The following ZNF215 variants were observed in gnomAD, a reference collection of about 807,000 sequenced individuals.
ZNF215 encodes the protein BWSCR2-associated zinc finger protein 2.
ZNF215 carries 24 observed loss-of-function variants against 27.2 expected under a neutral mutation model. The ratio of observed to expected loss-of-function variants is 0.88; its 90% CI spans 0.64 to 1.24. ZNF215 has a LOEUF of 1.24. ZNF215 is among the 50% of genes most tolerant of loss of function. The pLI is 0.00. For missense variants in ZNF215, 675 were observed against 605.7 expected (o/e 1.11, Z -1.20); for synonymous variants, 210 against 204.0 (o/e 1.03, Z -0.25).
chr11:6,981,327 T>C (rs1459736842), intron 5 of ZNF215, among the ~76,000 whole-genome samples: 2 of 150,492 alleles, frequency 1.3e-5, no homozygotes, highest in Non-Finnish European at 3.0e-5. Context: ...TGGTATCTCA[T>C]TGTGGTTTTG....
intron 5 of ZNF215, among the ~76,000 whole-genome samples, chr11:6,972,911 A>AT (rs11382653): frequency 0.98 from 149,483 of 151,926 alleles, 73,581 homozygotes; most frequent in Middle Eastern, 1. Flanking sequence ...GATTTTTTTA[A>AT]TTTTTTTTAT....
chr11:6,985,437 G>T (rs952081137), downstream of ZNF215, among the ~76,000 whole-genome samples: 5 of 152,076 alleles, frequency 3.3e-5, no homozygotes, highest in African/African-American at 1.2e-4. Flanking sequence ...AGCCAACATT[G>T]TACTAAACAG....
downstream of ZNF215, among the ~76,000 whole-genome samples, chr11:6,958,692 C>G (rs1158375510): frequency 6.6e-6 from 1 of 152,130 alleles, no homozygotes; most frequent in Non-Finnish European, 1.5e-5. Context: ...TGCCTGCAAG[C>G]TGAGGAGCAA....
chr11:6,932,225 A>G lies in ZNF215; in HGVS notation c.-48A>G, dbSNP rs2053835. 0.053 allele frequency: 82,881 copies of G among 1,577,478 alleles called. 2,900 individuals are homozygous for G. The highest frequency in any genetic ancestry group is 0.18 in the African/African-American group (13,131 of 73,590). On this transcript the variant is annotated 5_prime_UTR_variant, in exon 3 of 7. Transcript: ENST00000278319. The stretch of plus-strand genomic sequence containing the variant: ...TTAGCTCAAGCCTGAGAATTACTGC[A>G]ATCTAGTAAGGCGGATTTGAACTAC...
intron 6 of ZNF215, among the ~76,000 whole-genome samples, chr11:6,953,838 GCT>G (rs1396760051): frequency 1.3e-5 from 2 of 151,870 alleles, no homozygotes; most frequent in Non-Finnish European, 2.9e-5. Flanking sequence ...CAGTTTTTCT[GCT>G]CTGTTTTTTC....
At chr11:6,978,868 A>G (rs888914545) in intron 5 of ZNF215, among the ~76,000 whole-genome samples, 1 of 152,150 alleles carries the variant, frequency 6.6e-6, no homozygotes, top group Non-Finnish European at 1.5e-5. Flanking sequence ...TTAATTTTAA[A>G]ACATTAATTG....
downstream of ZNF215, chr11:6,958,070 CA>C: frequency 1.0e-6 from 1 of 984,786 alleles, no homozygotes; most frequent in Non-Finnish European, 1.2e-6. Flanking sequence ...CTTTATATTG[CA>C]ACACAAGTTT....
At position 6,957,869 on chromosome 11, in the gene ZNF215, C is replaced by A. The variant is rs1344154773; in HGVS notation, c.*1338C>A. On this transcript the variant is annotated 3_prime_UTR_variant, in exon 7 of 7. Coordinates refer to ENST00000278319, the MANE Select transcript of ZNF215 (RefSeq NM_013250.4). The stretch of plus-strand genomic sequence containing the variant: ...CAGAACTGTGTCTTCTGTAAACTAC[C>A]TCAGGATCCCATCTGGTTCTTGAGC... 4 of 985,264 alleles carry A rather than the reference C, an allele frequency of 4.1e-6. No individual in the cohort carries two copies. The highest frequency in any genetic ancestry group is 3.5e-5 in the African/African-American group (2 of 57,208). 61.0% of individuals were successfully genotyped at this position (985,264 alleles called of 1,614,324 possible).
intron 5 of ZNF215, among the ~76,000 whole-genome samples, chr11:6,978,584 G>T (rs1850881200): frequency 6.6e-6 from 1 of 152,002 alleles, no homozygotes; most frequent in Non-Finnish European, 1.5e-5. Flanking sequence ...ATGGATGACA[G>T]AAAAGTAGAT....
intron 5 of ZNF215, among the ~76,000 whole-genome samples, chr11:6,964,101 A>C (rs1018774139): frequency 6.6e-6 from 1 of 151,918 alleles, no homozygotes; most frequent in African/African-American, 2.4e-5. Context: ...CTTATTTGTC[A>C]TATATTTTTG....
intron 2 of ZNF215, 134 bp downstream of exon 2, chr11:6,927,941 T>C (rs1446396767): frequency 6.6e-6 from 1 of 152,258 alleles, no homozygotes; most frequent in Non-Finnish European, 1.5e-5. Flanking sequence ...TTCCATTGCC[T>C]ATCAGGAGCT....
At chr11:6,978,509 G>C (rs567040305) in intron 5 of ZNF215, among the ~76,000 whole-genome samples, 1 of 152,120 alleles carries the variant, frequency 6.6e-6, no homozygotes, top group Non-Finnish European at 1.5e-5. Context: ...TGTGTGCTGC[G>C]ATATGTAGGA....
At chr11:6,962,048 G>C (rs1204201458), downstream of ZNF215, among the ~76,000 whole-genome samples, 4 of 152,096 alleles carry the variant, frequency 2.6e-5, no homozygotes, top group Admixed American at 6.6e-5. Flanking sequence ...CTCAATTTTA[G>C]AATAAGAATA....
In ZNF215 at chr11:6,955,753, G is replaced by A. The variant is rs117380100; in HGVS notation, c.776G>A (p.Ser259Asn). The change falls in exon 7 of 7, where the codon AGT becomes AAT. Residue 259 changes from serine (S) to asparagine (N), a missense_variant. Physicochemically the swap from Ser to Asn is conservative, Grantham distance 46. Transcript: ENST00000278319. ...GTGATTATGACAAGGCTTACCGAAA[G>A]TGGACACCCTTCTTCAGATGCCTGG... ...HGVIMTRLTE[S>N]GHPSSDAWKG... 6.9e-3 allele frequency: 11,044 copies of A among 1,607,596 alleles called. 47 individuals carry two copies. Among genetic ancestry groups the A allele is most frequent in the South Asian group, 8.3e-3 (743 of 89,100 alleles).
chr11:6,958,213 G>A (rs1009186414), downstream of ZNF215, among the ~76,000 whole-genome samples: 2 of 152,120 alleles, frequency 1.3e-5, no homozygotes, highest in Admixed American at 6.5e-5. Flanking sequence ...ATTCATCATA[G>A]TACTTACATT....
At chr11:6,958,552 C>A (rs886648850), downstream of ZNF215, among the ~76,000 whole-genome samples, 2 of 142,122 alleles carry the variant, frequency 1.4e-5, no homozygotes, top group African/African-American at 2.7e-5. Context: ...GTTTCACAAG[C>A]CTGTTTATTT....
intron 6 of ZNF215, among the ~76,000 whole-genome samples, chr11:6,955,385 C>T (rs577224613): frequency 6.6e-6 from 1 of 152,284 alleles, no homozygotes; most frequent in African/African-American, 2.4e-5. Flanking sequence ...TAGTTACGAA[C>T]CAGTGATAAC....
intron 5 of ZNF215, chr11:6,984,039 AC>A: frequency 2.9e-6 from 1 of 344,326 alleles, no homozygotes. Context: ...AAATTAACAT[AC>A]TCTCAAACGC....
intron 5 of ZNF215, among the ~76,000 whole-genome samples, chr11:6,973,976 A>T (rs560775971): frequency 6.6e-6 from 1 of 152,238 alleles, no homozygotes; most frequent in East Asian, 1.9e-4. Context: ...GCCCATTTCT[A>T]TGTACTGAAT....
Sources: allele counts gnomAD v4.1 joint callset (sites outside exome capture counted in the v4.1 genomes callset), GRCh38; gene constraint gnomAD v4.1.1; transcripts MANE v1.5; gene names NCBI Gene and HGNC (gene_info 2026-07-23, HGNC 2026-07-21).